Variants in VPS72 observed in about 807,000 individuals in gnomAD.
The protein encoded by VPS72 is vacuolar protein sorting 72 homolog.
In VPS72, 27 loss-of-function variants were observed where a neutral mutation model predicts 38.9. The ratio of observed to expected loss-of-function variants is 0.69; its 90% CI spans 0.51 to 0.96. The LOEUF (loss-of-function observed/expected upper bound fraction) is 0.96, where lower values mean the gene tolerates loss of function less well. Ranked by LOEUF, VPS72 falls within the 40% of genes least tolerant of loss-of-function variation. VPS72 has a pLI of 0.00. For synonymous variants in VPS72, 173 were observed against 186.3 expected, an observed-to-expected ratio of 0.93 and a Z score of 0.58; for missense variants, 360 against 479.5, an observed-to-expected ratio of 0.75 and a Z score of 2.33.
intron 4 of VPS72, 111 bp from the exon 5 acceptor site, chr1:151,178,256 A>G: frequency 7.2e-7 from 1 of 1,387,376 alleles, no homozygotes; most frequent in Non-Finnish European, 9.5e-7. Flanking sequence ...AGTCACTGCC[A>G]ACTACCAGAG....
chr1:151,178,677 T>G (rs1184434382), intron 4 of VPS72, among the ~76,000 whole-genome samples: 4 of 151,948 alleles, frequency 2.6e-5, no homozygotes, highest in Non-Finnish European at 1.5e-5. Flanking sequence ...AATATAGAGA[T>G]TTCTGGTCGC....
intron 4 of VPS72, among the ~76,000 whole-genome samples, chr1:151,179,462 G>T (rs1342835241): frequency 6.6e-6 from 1 of 152,026 alleles, no homozygotes; most frequent in Non-Finnish European, 1.5e-5. Flanking sequence ...AGCTGGACGT[G>T]GTGGTGAGCA....
chr1:151,180,105 G>A (rs1356174752), intron 4 of VPS72, among the ~76,000 whole-genome samples: 3 of 151,910 alleles, frequency 2.0e-5, no homozygotes, highest in Non-Finnish European at 4.4e-5. Context: ...GATCACCTGA[G>A]GTCAGGAGTT....
chr1:151,189,427 G>A (rs1252243565), intron 1 of VPS72, among the ~76,000 whole-genome samples: 1 of 152,174 alleles, frequency 6.6e-6, no homozygotes, highest in Non-Finnish European at 1.5e-5. Flanking sequence ...AAAAGCATAA[G>A]CAAGTAAGCA....
intron 1 of VPS72, among the ~76,000 whole-genome samples, chr1:151,186,567 A>C (rs1040858450): frequency 6.6e-6 from 1 of 151,950 alleles, no homozygotes; most frequent in Non-Finnish European, 1.5e-5. Context: ...TCAAAAAGAA[A>C]AAAAAAAAAA....
At chr1:151,185,769 A>C in intron 2 of VPS72, 29 bp downstream of exon 2, 1 of 1,612,866 alleles carries the variant, frequency 6.2e-7, no homozygotes, top group Admixed American at 1.7e-5. Context: ...AATTGAGGAA[A>C]TCCAAGACAA....
chr1:151,176,553 A>G lies in VPS72; in HGVS notation c.*91T>C. 6.6e-7 allele frequency: 1 copy of G among 1,521,008 alleles called. No individual in the cohort carries two copies. 94.2% of individuals were successfully genotyped at this position (1,521,008 alleles called of 1,614,324 possible). ...AAGAAACAGATTAGGCAAAGATCAG[A>G]GATGACAAAGGGGAGAAGCAGGGAG... is the stretch of plus-strand genomic sequence containing the variant. On this transcript the variant is annotated 3_prime_UTR_variant, in exon 6 of 6. Transcript: ENST00000368892.
chr1:151,178,853 G>A (rs987571575), intron 4 of VPS72, among the ~76,000 whole-genome samples: 2 of 152,110 alleles, frequency 1.3e-5, no homozygotes, highest in Non-Finnish European at 2.9e-5. Context: ...CCGTGATACT[G>A]CTCCATGGCG....
At chr1:151,187,113 CTGGGGG>C (rs1034695826) in intron 1 of VPS72, among the ~76,000 whole-genome samples, 1 of 152,028 alleles carries the variant, frequency 6.6e-6, no homozygotes, top group African/African-American at 2.4e-5. Flanking sequence ...TCAGAAAGCT[CTGGGGG>C]CAGTTAGATG....
At position 151,177,045 on chromosome 1, in the gene VPS72, A is replaced by G. The variant is rs1038240367; in HGVS notation, c.708-14T>C. The G allele has an allele frequency of 6.5e-7, 1 of 1,531,134 alleles. No homozygotes were observed. The highest frequency in any genetic ancestry group is 2.1e-5 in the Admixed American group (1 of 47,006). The allele number at this position is 1,531,134 out of a possible 1,614,324, so 94.8% of individuals were successfully genotyped here. A position where few individuals can be genotyped will look rare whatever the true frequency, so the allele number is the denominator to read the frequency against. Reference sequence around the variant, plus strand: ...GCAGGATCAAGTCTGAGGACAAAAGACAAGGAAAAACACAAAGAGCTGAGG... The same window carrying G: ...GCAGGATCAAGTCTGAGGACAAAAGGCAAGGAAAAACACAAAGAGCTGAGG... On this transcript the variant is annotated splice_polypyrimidine_tract_variant and intron_variant, in intron 5 of 5. Transcript: ENST00000368892.
chr1:151,178,154 T>C lies in VPS72; in HGVS notation c.563-9A>G, dbSNP rs374491925. The C allele has an allele frequency of 5.8e-5, 93 of 1,612,768 alleles. No homozygotes were observed. Among genetic ancestry groups the C allele is most frequent in the Non-Finnish European group, 7.5e-5 (88 of 1,179,800 alleles). On this transcript the variant is annotated splice_polypyrimidine_tract_variant and intron_variant, in intron 4 of 5. Coordinates refer to ENST00000368892, the MANE Select transcript of VPS72 (RefSeq NM_005997.3). ...GAGCCGCTCATATGTCTCTTTAGGG[T>C]CAAAGGAAGAAATGAGGGGATGATC...
rs1310622478 is a variant in VPS72 at position 151,190,142 on chromosome 1, C to T, written c.-21G>A. On this transcript the variant is annotated 5_prime_UTR_variant, in exon 1 of 6. Transcript: ENST00000368892. ...CTCATACCGCCTACCGAGACTGCGC[C>T]GCCACCTGCAGCCCCTCACCAGCTC... 2.5e-6 allele frequency: 4 copies of T among 1,611,212 alleles called. No individual in the cohort carries two copies. In the East Asian group the frequency reaches 6.7e-5, roughly 27 times the overall value.
chr1:151,176,309 G>A lies in VPS72; in HGVS notation c.*335C>T. ...AAGGTCAATACAAGGATGTGTTTTG[G>A]TGTGCAATTTTCAGATGTTTATAAT... On this transcript the variant is annotated 3_prime_UTR_variant, in exon 6 of 6. Transcript: ENST00000368892. The A allele has an allele frequency of 3.4e-6, 1 of 296,416 alleles. No individual in the cohort carries two copies. Among genetic ancestry groups the A allele is most frequent in the South Asian group, 4.1e-5 (1 of 24,464 alleles). The allele number at this position is 296,416 out of a possible 1,614,324, so 18.4% of individuals were successfully genotyped here.
At chr1:151,187,238 G>A (rs759454342) in intron 1 of VPS72, among the ~76,000 whole-genome samples, 52 of 152,032 alleles carry the variant, frequency 3.4e-4, no homozygotes, top group Non-Finnish European at 6.0e-4. Context: ...TGAGGGAGAG[G>A]GAGTCAACTG....
chr1:151,178,207 T>G, intron 4 of VPS72, 62 bp from the exon 5 acceptor site: 1 of 1,558,800 alleles, frequency 6.4e-7, no homozygotes, highest in East Asian at 2.3e-5. Context: ...CATATCCCAG[T>G]ACTGTCCCAC....
chr1:151,184,093 G>A (rs1249828238), intron 4 of VPS72, among the ~76,000 whole-genome samples: 1 of 152,136 alleles, frequency 6.6e-6, no homozygotes, highest in Non-Finnish European at 1.5e-5. Flanking sequence ...TTTGACCTCA[G>A]TTCTATACAA....
chr1:151,182,790 C>T (rs899834042), intron 4 of VPS72, among the ~76,000 whole-genome samples: 2 of 152,214 alleles, frequency 1.3e-5, no homozygotes, highest in Non-Finnish European at 2.9e-5. Flanking sequence ...TGGTCACTTC[C>T]AGGCTCTTTT....
At position 151,185,802 on chromosome 1, in the gene VPS72, T is replaced by C. The variant is rs757325748; in HGVS notation, c.266A>G (p.Tyr89Cys). The change falls in exon 2 of 6, where the codon TAT (tyrosine) becomes TGT (cysteine). Residue 89 changes from tyrosine (Y) to cysteine (C), a missense_variant. Transcript: ENST00000368892. The stretch of plus-strand genomic sequence containing the variant: ...CAACTAGGACTCCCCCTGTACCTTA[T>C]AGGCCTTGGTGACTACTCGGCGCTT... ...RRKRRVVTKA[Y>C]KEPLKSLRPR... is the part of the protein sequence containing the mutation. The C allele has an allele frequency of 2.0e-4, 330 of 1,614,062 alleles. No individual in the cohort carries two copies. The highest frequency in any genetic ancestry group is 2.7e-4 in the Non-Finnish European group (317 of 1,180,038).
rs762391541 is a variant in VPS72 at position 151,176,971 on chromosome 1, G to A, written c.768C>T (p.Asn256=). 6 of 1,606,374 alleles carry A rather than the reference G, an allele frequency of 3.7e-6. No homozygotes were observed. The South Asian group carries it at 4.4e-5, about 12-fold the overall frequency. Residue 256 remains asparagine (N), a synonymous_variant, in exon 6 of 6, where the codon AAC becomes AAT. Coordinates refer to ENST00000368892, the MANE Select transcript of VPS72 (RefSeq NM_005997.3). ...AGGTACGTGAGCAGCGAGCAGGGGGGTTGACGGGTCCAGTCCCAGCATGAG... is the reference window on the plus strand; with the variant it reads ...AGGTACGTGAGCAGCGAGCAGGGGGATTGACGGGTCCAGTCCCAGCATGAG... ...LTPHAGTGPV[N]PPARCSRTFI...
Sources: gnomAD v4.1 joint callset for allele counts (sites outside exome capture counted in the v4.1 genomes callset) on GRCh38, gnomAD v4.1.1 for gene constraint, MANE v1.5 for transcripts, NCBI Gene and HGNC (gene_info 2026-07-23, HGNC 2026-07-21) for gene names.